Variants in FBXW7 observed in about 807,000 individuals in gnomAD.
FBXW7 encodes F-box/WD repeat-containing protein 7.
Under a neutral mutation model 86.3 loss-of-function variants are expected in FBXW7, and 11 were observed. The ratio of observed to expected loss-of-function variants is 0.13; its 90% CI spans 0.08 to 0.21. FBXW7 has a LOEUF of 0.21. FBXW7 is among the 10% of genes least tolerant of loss of function. FBXW7 has a pLI of 1.00. For synonymous variants in FBXW7, 313 were observed against 297.9 expected, an observed-to-expected ratio of 1.05 and a Z score of -0.52; for missense variants, 488 against 847.4, an observed-to-expected ratio of 0.58 and a Z score of 5.27.
intron 2 of FBXW7, among the ~76,000 whole-genome samples, chr4:152,515,748 A>ACT (rs1282713145): frequency 2.7e-5 from 4 of 146,324 alleles, no homozygotes; most frequent in African/African-American, 1.0e-4. Flanking sequence ...AATAACCACA[A>ACT]CTCTCTTTTT....
chr4:152,368,749 A>G (rs1029035865), intron 4 of FBXW7, among the ~76,000 whole-genome samples: 4 of 152,116 alleles, frequency 2.6e-5, no homozygotes, highest in Non-Finnish European at 2.9e-5. Context: ...TAAATCAATA[A>G]CATGTATTTT....
At chr4:152,397,695 CAAAAAAAAAAA>C (rs397995836) in intron 4 of FBXW7, among the ~76,000 whole-genome samples, 12 of 60,376 alleles carry the variant, frequency 2.0e-4, no homozygotes, top group East Asian at 4.7e-4. Context: ...CCTAAGAAGC[CAAAAAAAAAAA>C]AAAAAAAAAA....
At chr4:152,490,843 G>T (rs1046225715) in intron 2 of FBXW7, among the ~76,000 whole-genome samples, 1 of 151,984 alleles carries the variant, frequency 6.6e-6, no homozygotes, top group Non-Finnish European at 1.5e-5. Flanking sequence ...TTGGCAGTAA[G>T]ATATATCAAA....
At chr4:152,445,910 TAAAAAAAAA>T (rs11457603) in intron 2 of FBXW7, among the ~76,000 whole-genome samples, 1,846 of 100,562 alleles carry the variant, frequency 0.018, 53 homozygotes, top group African/African-American at 0.051. Flanking sequence ...ACTCTGTCTT[TAAAAAAAAA>T]AAAAAAAAAA....
At position 152,535,231 on chromosome 4, in the gene FBXW7, G is replaced by A. The variant is rs79992228; in HGVS notation, c.-317C>T. 5,155 of 193,712 alleles carry A rather than the reference G, an allele frequency of 0.027. 128 individuals are homozygous for A. Among genetic ancestry groups the A allele is most frequent in the African/African-American group, 0.061 (2,616 of 43,164 alleles). 12.0% of individuals were successfully genotyped at this position (193,712 alleles called of 1,614,324 possible). A position where few individuals can be genotyped will look rare whatever the true frequency, so the allele number is the denominator to read the frequency against. ...TTGGGAGACTCCGGATTTTGTTTTTGTAAAGTTTCCTCTGGGTGGAGGCTG... is the reference window on the plus strand; with the variant it reads ...TTGGGAGACTCCGGATTTTGTTTTTATAAAGTTTCCTCTGGGTGGAGGCTG... On this transcript the variant is annotated 5_prime_UTR_variant, in exon 1 of 14. Coordinates refer to ENST00000281708, the MANE Select transcript of FBXW7 (RefSeq NM_001349798.2).
intron 5 of FBXW7, among the ~76,000 whole-genome samples, chr4:152,347,433 A>T (rs545153148): frequency 2.6e-5 from 4 of 152,154 alleles, no homozygotes; most frequent in Non-Finnish European, 5.9e-5. Flanking sequence ...TTGGTGACAT[A>T]AGTAAAGTTT....
At chr4:152,382,358 G>T (rs769012506) in intron 4 of FBXW7, 11 of 1,546,468 alleles carry the variant, frequency 7.1e-6, no homozygotes, top group Non-Finnish European at 9.6e-6. Flanking sequence ...CTTGGTTGAC[G>T]AATACTCTCT....
At chr4:152,521,198 T>C (rs1200722357) in intron 2 of FBXW7, among the ~76,000 whole-genome samples, 3 of 151,830 alleles carry the variant, frequency 2.0e-5, no homozygotes, top group Non-Finnish European at 4.4e-5. Context: ...AAAATACAAA[T>C]AAGGATGTTA....
intron 2 of FBXW7, among the ~76,000 whole-genome samples, chr4:152,509,971 C>T (rs1345992371): frequency 1.3e-5 from 2 of 151,804 alleles, no homozygotes; most frequent in Admixed American, 6.6e-5. Context: ...AATTGAGCTG[C>T]GATTAAAACT....
intron 2 of FBXW7, among the ~76,000 whole-genome samples, chr4:152,521,911 C>T (rs1355708903): frequency 1.3e-5 from 2 of 150,700 alleles, no homozygotes; most frequent in African/African-American, 4.9e-5. Flanking sequence ...CTCCGTCTCC[C>T]TGGTTCAAGC....
chr4:152,325,950 A>G (rs1728978442), intron 12 of FBXW7, 56 bp downstream of exon 12: 1 of 1,459,564 alleles, frequency 6.9e-7, no homozygotes, highest in South Asian at 1.2e-5. Context: ...TTATCTGAGT[A>G]AAACAACCTT....
intron 2 of FBXW7, among the ~76,000 whole-genome samples, chr4:152,420,320 A>G (rs1168182493): frequency 1.3e-5 from 2 of 152,108 alleles, no homozygotes; most frequent in Non-Finnish European, 2.9e-5. Flanking sequence ...TTCTCTTGCT[A>G]TTTCTACCAC....
At chr4:152,515,078 A>C (rs952320192) in intron 2 of FBXW7, among the ~76,000 whole-genome samples, 1 of 152,224 alleles carries the variant, frequency 6.6e-6, no homozygotes, top group Non-Finnish European at 1.5e-5. Context: ...TATCTTAGGC[A>C]AAACAGAGGT....
At chr4:152,415,200 A>G (rs1296989372) in intron 2 of FBXW7, among the ~76,000 whole-genome samples, 1 of 152,170 alleles carries the variant, frequency 6.6e-6, no homozygotes, top group Admixed American at 6.6e-5. Flanking sequence ...AAAAATTCCA[A>G]GGCAAATACT....
In FBXW7 at chr4:152,395,654, T is replaced by C. The variant is rs187949046; in HGVS notation, c.501+15649A>G. Among the ~76,000 whole-genome samples the C allele has an allele frequency of 2.5e-3, 378 of 152,180 alleles. 3 individuals carry two copies. The highest frequency in any genetic ancestry group is 8.1e-3 in the African/African-American group (335 of 41,560). On this transcript the variant is annotated intron_variant, in intron 4 of 13. Coordinates refer to ENST00000281708, the MANE Select transcript of FBXW7 (RefSeq NM_001349798.2). ...GCTAAAGCACTTAAAGTGCTATGCATATGCCGCACTTCCACTCCAAACAAC... is the reference window on the plus strand; with the variant it reads ...GCTAAAGCACTTAAAGTGCTATGCACATGCCGCACTTCCACTCCAAACAAC...
In FBXW7 at chr4:152,466,282, G is replaced by A. The variant is rs982656932; in HGVS notation, c.-119-53753C>T. 5.9e-5 allele frequency among the ~76,000 whole-genome samples: 9 copies of A among 152,122 alleles called. No individual in the cohort carries two copies. The South Asian group carries it at 6.2e-4, about 11-fold the overall frequency. On this transcript the variant is annotated intron_variant, in intron 2 of 13. Transcript: ENST00000281708. ...TAAAAATTAAAGACACTGGCTGGGC[G>A]CAGTGGCTCAAGCCTGTAATCCCAG...
chr4:152,445,928 AAAAAAAAAAAAAAAC>A (rs967521508), intron 2 of FBXW7, among the ~76,000 whole-genome samples: 9 of 99,604 alleles, frequency 9.0e-5, no homozygotes, highest in South Asian at 3.1e-4. Context: ...AAAAAAAAAA[AAAAAAAAAAAAAAAC>A]CAAAGTGCTT....
chr4:152,467,601 T>A (rs1382078533), intron 2 of FBXW7, among the ~76,000 whole-genome samples: 2 of 152,110 alleles, frequency 1.3e-5, no homozygotes, highest in Non-Finnish European at 2.9e-5. Context: ...AAACGTAAGG[T>A]TTTGCTTAAA....
chr4:152,386,226 AAAT>A (rs1735517171), intron 4 of FBXW7, among the ~76,000 whole-genome samples: 1 of 152,108 alleles, frequency 6.6e-6, no homozygotes, highest in Non-Finnish European at 1.5e-5. Context: ...ATGATACCAC[AAAT>A]AATAAGGCAG....
Sources: allele counts gnomAD v4.1 joint callset (sites outside exome capture counted in the v4.1 genomes callset), GRCh38; gene constraint gnomAD v4.1.1; transcripts MANE v1.5; gene names NCBI Gene and HGNC (gene_info 2026-07-23, HGNC 2026-07-21).